C8B: variants seen among roughly 807,000 people sequenced by gnomAD.
C8B encodes complement C8 beta chain.
A neutral mutation model predicts 64.6 loss-of-function variants in C8B; 67 were observed. The ratio of observed to expected loss-of-function variants is 1.04; its 90% confidence interval spans 0.85 to 1.27. The LOEUF is 1.27. Among genes scored for constraint, C8B ranks in the 50% most tolerant of loss-of-function variants. C8B has a pLI of 0.00. For missense variants in C8B, 790 were observed against 725.2 expected (o/e 1.09, Z -1.03); for synonymous variants, 284 against 257.7 (o/e 1.10, Z -0.98).
At position 56,965,841 on chromosome 1, in the gene C8B, G is replaced by T. The variant is rs760357812; in HGVS notation, c.92+16C>A. On this transcript the variant is annotated intron_variant, in intron 1 of 11. Transcript: ENST00000371237. ...TCATATTATTGATCAGGGAATTATT[G>T]GTAACTGTCACTTACCTGGAGCCAG... The T allele has an allele frequency of 6.2e-7, 1 of 1,613,502 alleles. No homozygotes were observed. The highest frequency in any genetic ancestry group is 1.3e-5 in the African/African-American group (1 of 74,874).
At chr1:56,957,186 G>T (rs1218029467) in intron 2 of C8B, among the ~76,000 whole-genome samples, 4 of 152,178 alleles carry the variant, frequency 2.6e-5, no homozygotes, top group Non-Finnish European at 5.9e-5. Flanking sequence ...GCAGTGATCA[G>T]TCAAGATTTG....
At chr1:56,933,695 T>G (rs1182276599) in intron 9 of C8B, among the ~76,000 whole-genome samples, 1 of 152,112 alleles carries the variant, frequency 6.6e-6, no homozygotes, top group Non-Finnish European at 1.5e-5. Context: ...CAACAAACAC[T>G]TAGAATGCTT....
chr1:56,933,274 G>C, intron 10 of C8B, 61 bp downstream of exon 10: 3 of 1,417,328 alleles, frequency 2.1e-6, no homozygotes, highest in Non-Finnish European at 3.0e-6. Flanking sequence ...CAAATGGCTG[G>C]CCCCCGGCCT....
At chr1:56,963,467 G>A (rs2405240) in intron 1 of C8B, among the ~76,000 whole-genome samples, 30,627 of 151,488 alleles carry the variant, frequency 0.2, 3,305 homozygotes, top group Non-Finnish European at 0.23. Flanking sequence ...TCTCTCTGTC[G>A]TTTGCTGTGG....
At chr1:56,958,003 C>T (rs1476231848) in intron 2 of C8B, among the ~76,000 whole-genome samples, 2 of 152,046 alleles carry the variant, frequency 1.3e-5, no homozygotes, top group Non-Finnish European at 2.9e-5. Context: ...GGAGGAAATT[C>T]CTGTACCAAA....
chr1:56,954,554 C>G, intron 4 of C8B, 132 bp downstream of exon 4: 1 of 1,261,260 alleles, frequency 7.9e-7, no homozygotes. Flanking sequence ...GGAAGTGTTA[C>G]TTACAATACA....
chr1:56,959,049 C>A (rs1411893868), intron 2 of C8B, among the ~76,000 whole-genome samples: 1 of 152,150 alleles, frequency 6.6e-6, no homozygotes, highest in Admixed American at 6.5e-5. Context: ...CTGGAAGAAC[C>A]CTATACAAGG....
rs749296934 is a variant in C8B, at chr1:56,949,770, A to G, written c.667-18T>C. The G allele has an allele frequency of 1.1e-5, 17 of 1,576,736 alleles. No homozygotes were observed. The African/African-American group carries it at 2.3e-4, about 21-fold the overall frequency. ...CCTTGGGTCTAAAGAAGAAAAAAGA[A>G]AGGGTTTTTTATTTCATTTGACTCA... On this transcript the variant is annotated intron_variant, in intron 5 of 11. Transcript: ENST00000371237.
intron 5 of C8B, among the ~76,000 whole-genome samples, 196 bp from the exon 6 acceptor site, chr1:56,949,948 C>T (rs573562916): frequency 6.6e-6 from 1 of 152,084 alleles, no homozygotes; most frequent in East Asian, 1.9e-4. Flanking sequence ...TGATCAATAC[C>T]TTGGGTGAAA....
At chr1:56,934,140 CTT>C (rs57782394) in intron 9 of C8B, among the ~76,000 whole-genome samples, 5 of 145,998 alleles carry the variant, frequency 3.4e-5, no homozygotes, top group African/African-American at 1.3e-4. Context: ...TCAATACTGT[CTT>C]TTTTTTTTTA....
chr1:56,943,939 A>G (rs1458014432), intron 7 of C8B, 115 bp from the exon 8 acceptor site: 4 of 1,171,290 alleles, frequency 3.4e-6, no homozygotes, highest in East Asian at 5.0e-5. Context: ...CTCGGGTTCA[A>G]ATAAATAGGT....
chr1:56,954,306 G>A (rs1645068924), intron 4 of C8B, among the ~76,000 whole-genome samples: 1 of 152,144 alleles, frequency 6.6e-6, no homozygotes, highest in African/African-American at 2.4e-5. Flanking sequence ...GATAAAACCT[G>A]CCTGCCAAGT....
chr1:56,931,746 C>G (rs1427757323), intron 11 of C8B, 64 bp downstream of exon 11: 2 of 1,135,236 alleles, frequency 1.8e-6, no homozygotes, highest in East Asian at 2.4e-5. Flanking sequence ...ACACCAGCTC[C>G]TTGCTCTTCT....
chr1:56,945,779 C>G, intron 7 of C8B, 42 bp downstream of exon 7: 1 of 1,613,074 alleles, frequency 6.2e-7, no homozygotes, highest in South Asian at 1.1e-5. Context: ...TATGACTCTT[C>G]CCCCAGCTTT....
chr1:56,948,113 T>C (rs1318642168), intron 6 of C8B, among the ~76,000 whole-genome samples: 1 of 151,988 alleles, frequency 6.6e-6, no homozygotes, highest in Admixed American at 6.6e-5. Flanking sequence ...ATCCTATAAC[T>C]GGCAATTTGA....
rs200901143 is a variant in C8B, at chr1:56,929,452, C to G, written c.1728G>C (p.Gly576=). Residue 576 remains glycine, a synonymous_variant, in exon 12 of 12, where the codon GGG becomes GGC. Transcript: ENST00000371237. ...AAGCAGGGCCTGAACAGGGGCTACC[C>G]CCATTTTGAGGAGGTGGATTGTTAC... ...RQCNNPPPQN[G]GSPCSGPASE... 2.5e-6 allele frequency: 4 copies of G among 1,612,774 alleles called. No individual in the cohort carries two copies. In the East Asian group the frequency reaches 8.9e-5, roughly 36 times the overall value.
At chr1:56,933,652 G>A (rs775602678) in intron 9 of C8B, among the ~76,000 whole-genome samples, 164 bp from the exon 10 acceptor site, 3 of 152,164 alleles carry the variant, frequency 2.0e-5, no homozygotes, top group African/African-American at 7.2e-5. Flanking sequence ...CCCCTTACCC[G>A]ATATACACAA....
chr1:56,933,667 GCTC>G (rs1201615816), intron 9 of C8B, among the ~76,000 whole-genome samples, 179 bp from the exon 10 acceptor site: 1 of 152,122 alleles, frequency 6.6e-6, no homozygotes, highest in African/African-American at 2.4e-5. Flanking sequence ...ACACAAATTA[GCTC>G]ACTCAAGTTC....
chr1:56,937,455 C>T (rs1644791404), intron 9 of C8B, among the ~76,000 whole-genome samples: 1 of 152,174 alleles, frequency 6.6e-6, no homozygotes, highest in Admixed American at 6.5e-5. Context: ...CTATCCTGAT[C>T]TCTGTGTGGG....
Sources: gnomAD v4.1 joint callset for allele counts (sites outside exome capture counted in the v4.1 genomes callset) on GRCh38, gnomAD v4.1.1 for gene constraint, MANE v1.5 for transcripts, NCBI Gene and HGNC (gene_info 2026-07-23, HGNC 2026-07-21) for gene names.